The following PYCR3 variants were observed in gnomAD, a reference collection of about 807,000 sequenced individuals.
The protein encoded by PYCR3 is P5C reductase 3.
A neutral mutation model predicts 23.4 loss-of-function variants in PYCR3; 26 were observed. The ratio of observed to expected loss-of-function variants is 1.11; its 90% CI spans 0.81 to 1.54. PYCR3 has a LOEUF of 1.54. Among genes scored for constraint, PYCR3 ranks in the 40% most tolerant of loss-of-function variants. PYCR3 has a pLI of 0.00. For missense variants in PYCR3, 360 were observed against 376.3 expected (o/e 0.96, Z 0.36); for synonymous variants, 194 against 162.6 (o/e 1.19, Z -1.47).
rs1050623571 is a variant in PYCR3, at chr8:143,609,508, A to C, written c.41T>G (p.Val14Gly). 7.9e-6 allele frequency: 12 copies of C among 1,516,510 alleles called. No homozygotes were observed. The highest frequency in any genetic ancestry group is 1.9e-4 in the Middle Eastern group (1 of 5,306). The allele number at this position is 1,516,510 out of a possible 1,614,324, so 93.9% of individuals were successfully genotyped here. ...AEPSPRRVGF[V>G]GAGRMAGAIA... is the part of the protein sequence containing the mutation. ...GGCCCCCGCCATGCGGCCCGCGCCC[A>C]CGAAGCCCACGCGCCGCGGAGACGG... The change falls in exon 1 of 6, where the codon GTG becomes GGG. Residue 14 changes from valine (V) to glycine (G), a missense_variant. Transcript: ENST00000495276.
In PYCR3 at chr8:143,605,564, C is replaced by A; in HGVS notation, c.*136G>T. Reference sequence around the variant, plus strand: ...TGCTGGAACCTCCCAAGTCCTGCCCCCTGCATTTCCCTGTGCAAGGGGAGA... The same window carrying A: ...TGCTGGAACCTCCCAAGTCCTGCCCACTGCATTTCCCTGTGCAAGGGGAGA... On this transcript the variant is annotated 3_prime_UTR_variant, in exon 6 of 6. Transcript: ENST00000495276. The A allele has an allele frequency of 2.4e-6, 2 of 843,436 alleles. No individual in the cohort carries two copies. The highest frequency in any genetic ancestry group is 5.4e-5 in the East Asian group (2 of 37,092). 52.2% of individuals were successfully genotyped at this position (843,436 alleles called of 1,614,324 possible). A position where few individuals can be genotyped will look rare whatever the true frequency, so the allele number is the denominator to read the frequency against.
Position 143,605,838 on chromosome 8 carries a change from C to T in PYCR3, c.687G>A (p.Gln229=), listed in dbSNP as rs1218712422. ...MLLHEGQHPA[Q]LRSDVCTPGG... ...CCGGGGTGCACACGTCTGAGCGCAGCTGGGCTGGGTGTTGGCCCTCGTGCA... is the reference window on the plus strand; with the variant it reads ...CCGGGGTGCACACGTCTGAGCGCAGTTGGGCTGGGTGTTGGCCCTCGTGCA... Residue 229 remains glutamine, a synonymous_variant, in exon 6 of 6, where the codon CAG becomes CAA. Transcript: ENST00000495276. 4.3e-6 allele frequency: 7 copies of T among 1,611,292 alleles called. No homozygotes were observed. The highest frequency in any genetic ancestry group is 5.9e-6 in the Non-Finnish European group (7 of 1,179,244).
rs1829404824 is a variant in PYCR3, at chr8:143,606,562, G to A, written c.454C>T (p.Leu152=). ...RHVGSSETKL[L]QHLLEACGRC... ...CCACAGGCCTCCAGCAGATGCTGCA[G>A]GAGCTTGGTCTCGCTGCTCCCCACG... Residue 152 remains leucine (L), a synonymous_variant, in exon 4 of 6, where the codon CTG becomes TTG. Transcript: ENST00000495276. 1.2e-6 allele frequency: 2 copies of A among 1,612,840 alleles called. No individual in the cohort carries two copies. Among genetic ancestry groups the A allele is most frequent in the African/African-American group, 1.3e-5 (1 of 74,942 alleles).
chr8:143,607,253 G>A, intron 2 of PYCR3, 121 bp from the exon 3 acceptor site: 2 of 982,692 alleles, frequency 2.0e-6, no homozygotes, highest in Middle Eastern at 3.3e-4. Context: ...CCCATTGCAA[G>A]TGTCTAGACC....
Position 143,604,699 on chromosome 8 carries a change from C to T in PYCR3, c.*1001G>A, listed in dbSNP as rs1466104392. The T allele has an allele frequency of 1.2e-5, 4 of 334,366 alleles. No individual in the cohort carries two copies. The highest frequency in any genetic ancestry group is 2.3e-5 in the Non-Finnish European group (4 of 172,196). The allele number at this position is 334,366 out of a possible 1,614,324, so 20.7% of individuals were successfully genotyped here. On this transcript the variant is annotated 3_prime_UTR_variant, in exon 6 of 6. Coordinates refer to ENST00000495276, the MANE Select transcript of PYCR3 (RefSeq NM_023078.6). ...GGCTGTCCGGCCCGGGCCCTCCCCA[C>T]CCAAAGGCCCTAGAACCCTAGCCTT...
chr8:143,606,139 C>T lies in PYCR3; in HGVS notation c.565G>A (p.Glu189Lys), dbSNP rs144848854. 1,921 of 1,609,362 alleles carry T rather than the reference C, an allele frequency of 1.2e-3. 2 individuals carry two copies. Among genetic ancestry groups the T allele is most frequent in the Non-Finnish European group, 1.3e-3 (1,504 of 1,178,610 alleles). The change falls in exon 5 of 6, where the codon GAG (glutamate) becomes AAG (lysine). Residue 189 changes from glutamate to lysine, a missense_variant. By Grantham distance (56) the Glu-to-Lys change is moderately conservative. Transcript: ENST00000495276. ...TTGACGGCTCCTTCAGCCAGGGCCT[C>T]GGAGAATGCACACACCTGTAGCCGC... ...SGVAFVCAFSEALAEGAVKMG... is the reference protein window; with the variant it reads ...SGVAFVCAFSKALAEGAVKMG...
rs1448450002 is a variant in PYCR3 at position 143,609,438 on chromosome 8, C to A, written c.91+20G>T. On this transcript the variant is annotated intron_variant, in intron 1 of 5. Transcript: ENST00000495276. The stretch of plus-strand genomic sequence containing the variant: ...GCTGCTCCCACTCCAGACCGCAGGC[C>A]TAGCCCCGCGCCGCCCCACCTGCTC... The A allele has an allele frequency of 2.0e-6, 3 of 1,492,188 alleles. No homozygotes were observed. Among genetic ancestry groups the A allele is most frequent in the Non-Finnish European group, 2.7e-6 (3 of 1,129,630 alleles). 92.4% of individuals were successfully genotyped at this position (1,492,188 alleles called of 1,614,324 possible).
At chr8:143,607,204 C>T in intron 2 of PYCR3, 72 bp from the exon 3 acceptor site, 1 of 1,372,698 alleles carries the variant, frequency 7.3e-7, no homozygotes, top group Non-Finnish European at 9.7e-7. Context: ...ACAGCCCTTC[C>T]TGCTGGATGC....
At chr8:143,608,332 CCT>C (rs992428870) in intron 1 of PYCR3, 1 of 583,204 alleles carries the variant, frequency 1.7e-6, no homozygotes, top group Non-Finnish European at 3.0e-6. Context: ...GGTCAACGCC[CCT>C]GACTGCTGCT....
In PYCR3 at chr8:143,608,099, G is replaced by A. The variant is rs756051541; in HGVS notation, c.119C>T (p.Ala40Val). The A allele has an allele frequency of 8.7e-6, 14 of 1,613,806 alleles. No homozygotes were observed. The highest frequency in any genetic ancestry group is 8.3e-5 in the Admixed American group (5 of 60,022). Residue 40 changes from alanine to valine, a missense_variant, in exon 2 of 6, where the codon GCC (alanine) becomes GTC (valine). By Grantham distance (64) the Ala-to-Val change is moderately conservative. Coordinates refer to ENST00000495276, the MANE Select transcript of PYCR3 (RefSeq NM_023078.6). ...TAGGTTCCTGTCTGTTGGTGCACTG[G>A]CCAGTATGTGCTGAGCTTCCACTTT... ...AGKVEAQHIL[A>V]SAPTDRNLCH...
At position 143,606,998 on chromosome 8, in the gene PYCR3, G is replaced by T; in HGVS notation, c.291C>A (p.Ile97=). The T allele has an allele frequency of 1.2e-6, 2 of 1,612,438 alleles. No individual in the cohort carries two copies. The highest frequency in any genetic ancestry group is 8.5e-7 in the Non-Finnish European group (1 of 1,179,142). The change falls in exon 3 of 6, where the codon ATC becomes ATA. Residue 97 remains isoleucine, a synonymous_variant. Coordinates refer to ENST00000495276, the MANE Select transcript of PYCR3 (RefSeq NM_023078.6). ...ACACCCCAGCAGCCACGGACACCAA[G>T]ATGTGTTCAGTGGTGACCACAGGAG... The part of the protein sequence containing the change: ...EVAPVVTTEH[I]LVSVAAGVSL...
chr8:143,607,761 GCA>G (rs1829443937), intron 2 of PYCR3, among the ~76,000 whole-genome samples: 1 of 98,214 alleles, frequency 1.0e-5, no homozygotes, highest in South Asian at 3.1e-4. Flanking sequence ...ACGCACATGA[GCA>G]CATACATACA....
At position 143,606,568 on chromosome 8, in the gene PYCR3, T is replaced by C; in HGVS notation, c.448A>G (p.Lys150Glu). The part of the protein sequence containing the change: ...RGRHVGSSET[K>E]LLQHLLEACG... ...GCCTCCAGCAGATGCTGCAGGAGCT[T>C]GGTCTCGCTGCTCCCCACGTGGCGG... The change falls in exon 4 of 6, where the codon AAG becomes GAG. Residue 150 changes from lysine (K) to glutamate (E), a missense_variant. Coordinates refer to ENST00000495276, the MANE Select transcript of PYCR3 (RefSeq NM_023078.6). 1 of 1,612,800 alleles carries C rather than the reference T, an allele frequency of 6.2e-7. No individual in the cohort carries two copies. Among genetic ancestry groups the C allele is most frequent in the Non-Finnish European group, 8.5e-7 (1 of 1,179,944 alleles).
In PYCR3 at chr8:143,605,760, T is replaced by G; in HGVS notation, c.765A>C (p.Ala255=). 1 of 1,610,606 alleles carries G rather than the reference T, an allele frequency of 6.2e-7. No homozygotes were observed. Among genetic ancestry groups the G allele is most frequent in the Non-Finnish European group, 8.5e-7 (1 of 1,178,528 alleles). ...CAGCCTCCACGGCGCTCATGGTGGC[T>G]GCTCGCAGCCCGCCCTGCTCCAGGG... ...LHALEQGGLR[A]ATMSAVEAAT... is the part of the protein sequence containing the mutation. Residue 255 remains alanine (A), a synonymous_variant, in exon 6 of 6, where the codon GCA becomes GCC. Transcript: ENST00000495276.
chr8:143,605,764 C>A lies in PYCR3; in HGVS notation c.761G>T (p.Arg254Leu). ...CTCCACGGCGCTCATGGTGGCTGCT[C>A]GCAGCCCGCCCTGCTCCAGGGCGTG... Reference protein sequence around the residue: ...GLHALEQGGLRAATMSAVEAA... With the variant: ...GLHALEQGGLLAATMSAVEAA... Residue 254 changes from arginine (R) to leucine (L), a missense_variant, in exon 6 of 6, where the codon CGA becomes CTA. Transcript: ENST00000495276. 1 of 1,610,574 alleles carries A rather than the reference C, an allele frequency of 6.2e-7. No individual in the cohort carries two copies. The highest frequency in any genetic ancestry group is 8.5e-7 in the Non-Finnish European group (1 of 1,178,504).
Position 143,609,460 on chromosome 8 carries a change from G to A in PYCR3, c.89C>T (p.Ala30Val). 5 of 1,508,856 alleles carry A rather than the reference G, an allele frequency of 3.3e-6. No homozygotes were observed. The East Asian group carries it at 8.1e-5, about 24-fold the overall frequency. 93.5% of individuals were successfully genotyped at this position (1,508,856 alleles called of 1,614,324 possible). A position where few individuals can be genotyped will look rare whatever the true frequency, so the allele number is the denominator to read the frequency against. Reference protein sequence around the residue: ...AGAIAQGLIRAGKVEAQHILA... With the variant: ...AGAIAQGLIRVGKVEAQHILA... ...GGCCTAGCCCCGCGCCGCCCCACCT[G>A]CTCTGATGAGGCCCTGCGCGATGGC... The change falls in exon 1 of 6, where the codon GCA becomes GTA. Residue 30 changes from alanine (A) to valine (V), a missense_variant and splice_region_variant. Transcript: ENST00000495276.
Position 143,605,768 on chromosome 8 carries a change from G to T in PYCR3, c.757C>A (p.Leu253Met), listed in dbSNP as rs1191534957. The T allele has an allele frequency of 1.4e-5, 22 of 1,611,114 alleles. No individual in the cohort carries two copies. In the East Asian group the frequency reaches 4.9e-4, roughly 36 times the overall value. Residue 253 changes from leucine (L) to methionine (M), a missense_variant, in exon 6 of 6, where the codon CTG becomes ATG. Coordinates refer to ENST00000495276, the MANE Select transcript of PYCR3 (RefSeq NM_023078.6). ...YGLHALEQGGLRAATMSAVEA... is the reference protein window; with the variant it reads ...YGLHALEQGGMRAATMSAVEA... ...ACGGCGCTCATGGTGGCTGCTCGCA[G>T]CCCGCCCTGCTCCAGGGCGTGGAGT...
chr8:143,607,601 C>A (rs28405113), intron 2 of PYCR3, among the ~76,000 whole-genome samples: 25,216 of 152,114 alleles, frequency 0.17, 2,190 homozygotes, highest in Middle Eastern at 0.24. Context: ...CACATCTGCA[C>A]AGGCACACAT....
In PYCR3 at chr8:143,605,598, T is replaced by C; in HGVS notation, c.*102A>G. ...CCCTGTGCAAGGGGAGAAGGAGCAG[T>C]AGGAGACCCTCATGCAGGAGGGAGG... On this transcript the variant is annotated 3_prime_UTR_variant, in exon 6 of 6. Coordinates refer to ENST00000495276, the MANE Select transcript of PYCR3 (RefSeq NM_023078.6). 2.9e-6 allele frequency: 3 copies of C among 1,044,884 alleles called. No individual in the cohort carries two copies. The highest frequency in any genetic ancestry group is 2.8e-6 in the Non-Finnish European group (2 of 727,106). 64.7% of individuals were successfully genotyped at this position (1,044,884 alleles called of 1,614,324 possible).
Sources: allele counts gnomAD v4.1 joint callset (sites outside exome capture counted in the v4.1 genomes callset), GRCh38; gene constraint gnomAD v4.1.1; transcripts MANE v1.5; gene names NCBI Gene and HGNC (gene_info 2026-07-23, HGNC 2026-07-21).